ADCY2: variants seen among roughly 807,000 people sequenced by gnomAD.
ADCY2 encodes adenylate cyclase 2.
In ADCY2, 31 loss-of-function variants were observed where a neutral mutation model predicts 125.2. The observed-to-expected ratio is 0.25, with a 90% CI of 0.19 to 0.33. The LOEUF (loss-of-function observed/expected upper bound fraction) is 0.33, where lower values mean the gene tolerates loss of function less well. ADCY2 is among the 10% of genes least tolerant of loss of function. ADCY2 has a pLI of 1.00. For synonymous variants in ADCY2, 512 were observed against 548.4 expected, an observed-to-expected ratio of 0.93 and a Z score of 0.93; for missense variants, 904 against 1,418.2, an observed-to-expected ratio of 0.64 and a Z score of 5.82.
chr5:7,647,825 G>C (rs1738951361), intron 4 of ADCY2, among the ~76,000 whole-genome samples: 1 of 152,164 alleles, frequency 6.6e-6, no homozygotes, highest in Admixed American at 6.5e-5. Flanking sequence ...AGGTACAACT[G>C]TCCTTGACTT....
At position 7,727,155 on chromosome 5, in the gene ADCY2, C is replaced by A; in HGVS notation, c.1774-9C>A. On this transcript the variant is annotated splice_polypyrimidine_tract_variant and intron_variant, in intron 13 of 24. Transcript: ENST00000338316. ...AACTGTCACTCACAGGTTCCTTTCTCCCCCTCAGTACCGGGCCACGGCACT... is the reference window on the plus strand; with the variant it reads ...AACTGTCACTCACAGGTTCCTTTCTACCCCTCAGTACCGGGCCACGGCACT... The A allele has an allele frequency of 6.2e-7, 1 of 1,609,502 alleles. No individual in the cohort carries two copies. The highest frequency in any genetic ancestry group is 8.5e-7 in the Non-Finnish European group (1 of 1,176,984).
At position 7,417,137 on chromosome 5, in the gene ADCY2, A is replaced by G. The variant is rs537816286; in HGVS notation, c.408+2367A>G. 9.8e-5 allele frequency among the ~76,000 whole-genome samples: 15 copies of G among 152,296 alleles called. No individual in the cohort carries two copies. The East Asian group carries it at 2.5e-3, about 25-fold the overall frequency. ...TCGTCTTTTCATCAAATGGCATGGC[A>G]TGTCTATCAAAGAATTCTGATTACT... On this transcript the variant is annotated intron_variant, in intron 2 of 24. Coordinates refer to ENST00000338316, the MANE Select transcript of ADCY2 (RefSeq NM_020546.3).
At chr5:7,553,708 G>A (rs1022167016) in intron 3 of ADCY2, among the ~76,000 whole-genome samples, 2 of 152,128 alleles carry the variant, frequency 1.3e-5, no homozygotes, top group Non-Finnish European at 2.9e-5. Context: ...ACTGTGGGGT[G>A]CCCCAGGGCT....
At chr5:7,547,396 T>C (rs1735179431) in intron 3 of ADCY2, among the ~76,000 whole-genome samples, 1 of 152,130 alleles carries the variant, frequency 6.6e-6, no homozygotes, top group African/African-American at 2.4e-5. Flanking sequence ...GAGGCCCTAA[T>C]GCAGTCCAGG....
At chr5:7,458,797 G>C (rs1741804284) in intron 2 of ADCY2, among the ~76,000 whole-genome samples, 1 of 152,142 alleles carries the variant, frequency 6.6e-6, no homozygotes, top group South Asian at 2.1e-4. Flanking sequence ...GAACACATGG[G>C]CTACTAGGCA....
intron 4 of ADCY2, among the ~76,000 whole-genome samples, chr5:7,639,904 G>T (rs747750554): frequency 7.9e-5 from 12 of 152,090 alleles, no homozygotes; most frequent in African/African-American, 1.4e-4. Context: ...TAGCCTTATT[G>T]TTATAGAAGT....
chr5:7,706,621 AG>A, intron 7 of ADCY2, 122 bp from the exon 8 acceptor site: 1 of 1,088,672 alleles, frequency 9.2e-7, no homozygotes, highest in Non-Finnish European at 1.4e-6. Context: ...TGCCATAGGA[AG>A]GTTTATGGTC....
chr5:7,573,455 A>G (rs1293354452), intron 3 of ADCY2, among the ~76,000 whole-genome samples: 1 of 152,180 alleles, frequency 6.6e-6, no homozygotes, highest in Non-Finnish European at 1.5e-5. Context: ...GCATGGTTCT[A>G]GAAAGATAGA....
At position 7,673,040 on chromosome 5, in the gene ADCY2, G is replaced by A. The variant is rs568165699; in HGVS notation, c.721-17651G>A. On this transcript the variant is annotated intron_variant, in intron 4 of 24. Coordinates refer to ENST00000338316, the MANE Select transcript of ADCY2 (RefSeq NM_020546.3). ...GGACATGCCTCCTTGGAAGGGTCAG[G>A]AGTACTATATCATGTAATTTTATTA... 1.0e-3 allele frequency among the ~76,000 whole-genome samples: 158 copies of A among 151,650 alleles called. 1 individual carries two copies. The highest frequency in any genetic ancestry group is 3.5e-3 in the African/African-American group (146 of 41,326).
At chr5:7,689,389 T>G (rs1413944954) in intron 4 of ADCY2, among the ~76,000 whole-genome samples, 1 of 152,224 alleles carries the variant, frequency 6.6e-6, no homozygotes, top group African/African-American at 2.4e-5. Context: ...TCTGAATAAA[T>G]GAATAAGCGA....
chr5:7,717,277 T>C, intron 12 of ADCY2, 40 bp downstream of exon 12: 2 of 1,466,644 alleles, frequency 1.4e-6, no homozygotes, highest in Non-Finnish European at 1.9e-6. Flanking sequence ...TCATCTTTTA[T>C]TATGTTCCAG....
chr5:7,650,725 A>G (rs1403276869), intron 4 of ADCY2, among the ~76,000 whole-genome samples: 2 of 152,218 alleles, frequency 1.3e-5, no homozygotes, highest in Admixed American at 6.5e-5. Context: ...ATTTTCTCTT[A>G]AAAATTTCAA....
intron 2 of ADCY2, among the ~76,000 whole-genome samples, chr5:7,490,984 G>A (rs1340364170): frequency 6.6e-6 from 1 of 152,048 alleles, no homozygotes; most frequent in Non-Finnish European, 1.5e-5. Flanking sequence ...TGATGCTATT[G>A]CATTAAAAAA....
chr5:7,674,259 T>C lies in ADCY2; in HGVS notation c.721-16432T>C, dbSNP rs182914489. Among the ~76,000 whole-genome samples the C allele has an allele frequency of 1.2e-4, 19 of 152,268 alleles. 1 individual carries two copies. The East Asian group carries it at 3.5e-3, about 28-fold the overall frequency. On this transcript the variant is annotated intron_variant, in intron 4 of 24. Transcript: ENST00000338316. Reference sequence around the variant, plus strand: ...GCTCCTGGCCTTCACATCTTACCCCTTTTCCCGCTGTATGGGAGGCTGGCG... The same window carrying C: ...GCTCCTGGCCTTCACATCTTACCCCCTTTCCCGCTGTATGGGAGGCTGGCG...
intron 2 of ADCY2, among the ~76,000 whole-genome samples, chr5:7,519,408 A>G (rs985822223): frequency 6.6e-6 from 1 of 152,192 alleles, no homozygotes; most frequent in South Asian, 2.1e-4. Flanking sequence ...CACAGGTCAC[A>G]CTGAAAGTGG....
At chr5:7,526,057 G>T (rs1734447056) in intron 3 of ADCY2, among the ~76,000 whole-genome samples, 1 of 152,046 alleles carries the variant, frequency 6.6e-6, no homozygotes, top group South Asian at 2.1e-4. Flanking sequence ...TCACCTGGGT[G>T]TCCTCTTCCC....
chr5:7,813,942 G>T (rs1192736276), intron 22 of ADCY2, among the ~76,000 whole-genome samples: 1 of 152,004 alleles, frequency 6.6e-6, no homozygotes, highest in Non-Finnish European at 1.5e-5. Context: ...TTAACAGCTT[G>T]TGCCTCCTAT....
intron 4 of ADCY2, among the ~76,000 whole-genome samples, chr5:7,635,648 A>G (rs1354251538): frequency 6.6e-6 from 1 of 152,164 alleles, no homozygotes; most frequent in Non-Finnish European, 1.5e-5. Flanking sequence ...GAAAGTCATC[A>G]GCATATAGTT....
chr5:7,455,832 A>G (rs1195324735), intron 2 of ADCY2, among the ~76,000 whole-genome samples: 4 of 145,926 alleles, frequency 2.7e-5, no homozygotes, highest in African/African-American at 9.9e-5. Flanking sequence ...ATAATGGCAT[A>G]CTACATATTT....
Sources: allele counts gnomAD v4.1 joint callset (sites outside exome capture counted in the v4.1 genomes callset), GRCh38; gene constraint gnomAD v4.1.1; transcripts MANE v1.5; gene names NCBI Gene and HGNC (gene_info 2026-07-23, HGNC 2026-07-21).